STAU2: variants seen among roughly 807,000 people sequenced by gnomAD.
The protein encoded by STAU2 is double-stranded RNA-binding protein Staufen homolog 2.
Under a neutral mutation model 65.9 loss-of-function variants are expected in STAU2, and 20 were observed. That is an observed-to-expected ratio of 0.30 (90% CI 0.21 to 0.44). STAU2 has a LOEUF of 0.44. STAU2 is among the 20% of genes least tolerant of loss of function. The pLI is 1.00. For missense variants in STAU2, 558 were observed against 683.9 expected (o/e 0.82, Z 2.05); for synonymous variants, 232 against 233.9 (o/e 0.99, Z 0.07).
chr8:73,488,798 A>G (rs1276249114), intron 13 of STAU2, among the ~76,000 whole-genome samples: 1 of 151,988 alleles, frequency 6.6e-6, no homozygotes, highest in Admixed American at 6.6e-5. Context: ...AAATGTTCTC[A>G]TAAGTTTCAA....
intron 6 of STAU2, among the ~76,000 whole-genome samples, chr8:73,650,860 G>A (rs1815806228): frequency 6.6e-6 from 1 of 152,130 alleles, no homozygotes; most frequent in Non-Finnish European, 1.5e-5. Flanking sequence ...TGAAAATAAA[G>A]GGCAATAATA....
At chr8:73,646,432 G>A (rs142262979) in intron 6 of STAU2, among the ~76,000 whole-genome samples, 120 of 152,298 alleles carry the variant, frequency 7.9e-4, no homozygotes, top group Middle Eastern at 3.4e-3. Flanking sequence ...ACACTAGTGT[G>A]GCCAACTGTC....
At chr8:73,492,171 T>C (rs1821184014) in intron 13 of STAU2, among the ~76,000 whole-genome samples, 2 of 151,920 alleles carry the variant, frequency 1.3e-5, no homozygotes, top group African/African-American at 4.8e-5. Context: ...ATAAAGCATT[T>C]CTTTGTTACT....
chr8:73,727,229 C>CA (rs1481333646), intron 3 of STAU2, among the ~76,000 whole-genome samples: 1 of 151,884 alleles, frequency 6.6e-6, no homozygotes, highest in African/African-American at 2.4e-5. Context: ...GACTACATCT[C>CA]AAAAAAATAA....
At chr8:73,473,566 G>GT (rs1820153569) in intron 13 of STAU2, among the ~76,000 whole-genome samples, 2 of 152,154 alleles carry the variant, frequency 1.3e-5, no homozygotes, top group Admixed American at 6.5e-5. Flanking sequence ...GAAGCCAGAG[G>GT]GCTGTGTGAG....
At chr8:73,513,348 G>A (rs1225772853) in intron 13 of STAU2, among the ~76,000 whole-genome samples, 2 of 152,014 alleles carry the variant, frequency 1.3e-5, no homozygotes, top group Non-Finnish European at 2.9e-5. Context: ...TAGCTTAGTG[G>A]TCAGCCAGTA....
intron 3 of STAU2, among the ~76,000 whole-genome samples, chr8:73,732,074 G>T (rs1475085644): frequency 6.6e-6 from 1 of 152,248 alleles, no homozygotes; most frequent in Non-Finnish European, 1.5e-5. Flanking sequence ...TTGCAGTCAA[G>T]ATGTCAGCAG....
intron 13 of STAU2, among the ~76,000 whole-genome samples, chr8:73,484,656 C>T (rs1820819537): frequency 6.6e-6 from 1 of 152,042 alleles, no homozygotes; most frequent in African/African-American, 2.4e-5. Context: ...CTTACCAATA[C>T]CCAAGTTACA....
chr8:73,733,696 C>T (rs1806232668), intron 3 of STAU2, among the ~76,000 whole-genome samples: 1 of 151,902 alleles, frequency 6.6e-6, no homozygotes, highest in South Asian at 2.1e-4. Context: ...CCACAAAAGG[C>T]AAAACACGAA....
chr8:73,746,718 T>C, intron 1 of STAU2, 65 bp downstream of exon 1: 1 of 1,048,332 alleles, frequency 9.5e-7, no homozygotes, highest in Non-Finnish European at 1.2e-6. Context: ...CCCAGCGCCC[T>C]CTGCCTTCTT....
chr8:73,473,789 G>A (rs1243273411), intron 13 of STAU2, among the ~76,000 whole-genome samples: 1 of 152,178 alleles, frequency 6.6e-6, no homozygotes, highest in African/African-American at 2.4e-5. Flanking sequence ...TGGATCTGAA[G>A]GTGCTTTGAG....
intron 8 of STAU2, among the ~76,000 whole-genome samples, chr8:73,614,243 C>A (rs1406746397): frequency 6.6e-6 from 1 of 151,992 alleles, no homozygotes; most frequent in Non-Finnish European, 1.5e-5. Flanking sequence ...TCTTATGGAA[C>A]ACAAATTTAA....
At chr8:73,441,915 T>C (rs866625337) in intron 13 of STAU2, among the ~76,000 whole-genome samples, 1 of 152,264 alleles carries the variant, frequency 6.6e-6, no homozygotes, top group South Asian at 2.1e-4. Context: ...CAAACTTTAA[T>C]ATTTTTTTCT....
At chr8:73,501,483 C>A (rs1821749039) in intron 13 of STAU2, among the ~76,000 whole-genome samples, 1 of 151,838 alleles carries the variant, frequency 6.6e-6, no homozygotes, top group Non-Finnish European at 1.5e-5. Flanking sequence ...ACTCCAGATG[C>A]CTTATCTATG....
chr8:73,723,159 TG>T (rs753457579), intron 3 of STAU2, among the ~76,000 whole-genome samples: 4 of 151,868 alleles, frequency 2.6e-5, no homozygotes, highest in Non-Finnish European at 4.4e-5. Flanking sequence ...TAACTCATAC[TG>T]GAACAATCTA....
intron 3 of STAU2, among the ~76,000 whole-genome samples, chr8:73,710,419 T>G (rs1820811393): frequency 6.6e-6 from 1 of 151,520 alleles, no homozygotes; most frequent in Non-Finnish European, 1.5e-5. Flanking sequence ...CTTTTCCTTT[T>G]ATGGTCTGTG....
intron 13 of STAU2, among the ~76,000 whole-genome samples, chr8:73,543,370 C>T (rs1361717470): frequency 6.6e-6 from 1 of 152,110 alleles, no homozygotes; most frequent in Admixed American, 6.5e-5. Flanking sequence ...TTTCAAAACT[C>T]ATCAAACTGT....
At chr8:73,474,216 G>GC (rs1445671315) in intron 13 of STAU2, among the ~76,000 whole-genome samples, 1 of 152,160 alleles carries the variant, frequency 6.6e-6, no homozygotes, top group Admixed American at 6.6e-5. Flanking sequence ...AAATGGTTAG[G>GC]CCTTTAGCAA....
intron 11 of STAU2, among the ~76,000 whole-genome samples, chr8:73,594,710 A>AC (rs1350796632): frequency 2.6e-5 from 4 of 152,174 alleles, no homozygotes; most frequent in African/African-American, 9.6e-5. Context: ...CTATGAGTTC[A>AC]CCTTTAAATT....
Sources: gnomAD v4.1 joint callset for allele counts (sites outside exome capture counted in the v4.1 genomes callset) on GRCh38, gnomAD v4.1.1 for gene constraint, MANE v1.5 for transcripts, NCBI Gene and HGNC (gene_info 2026-07-23, HGNC 2026-07-21) for gene names.